Variants in ITGA2 observed in about 807,000 individuals in gnomAD.
The protein encoded by ITGA2 is integrin alpha-2.
ITGA2 carries 101 observed loss-of-function variants against 146.3 expected under a neutral mutation model. That is an observed-to-expected ratio of 0.69 (90% CI 0.59 to 0.81). The LOEUF is 0.81. Among genes scored for constraint, ITGA2 ranks in the 40% least tolerant of loss-of-function variants. The pLI is 0.00. For missense variants in ITGA2, 1,281 were observed against 1,402.7 expected, an observed-to-expected ratio of 0.91 and a Z score of 1.39; for synonymous variants, 477 against 487.1, an observed-to-expected ratio of 0.98 and a Z score of 0.27.
chr5:53,090,628 G>C lies in ITGA2; in HGVS notation c.*29G>C, dbSNP rs13173706. 2.1e-5 allele frequency: 32 copies of C among 1,560,092 alleles called. No individual in the cohort carries two copies. Among genetic ancestry groups the C allele is most frequent in the Non-Finnish European group, 2.8e-5 (32 of 1,131,038 alleles). Reference sequence around the variant, plus strand: ...AGCAGACCTACCTGCAGTGGGAACCGGCAGCATCCCAGCCAGGGTTTGCTG... The same window carrying C: ...AGCAGACCTACCTGCAGTGGGAACCCGCAGCATCCCAGCCAGGGTTTGCTG... On this transcript the variant is annotated 3_prime_UTR_variant, in exon 30 of 30. Coordinates refer to ENST00000296585, the MANE Select transcript of ITGA2 (RefSeq NM_002203.4).
chr5:53,054,781 G>C (rs3212516), intron 7 of ITGA2, among the ~76,000 whole-genome samples: 1 of 151,938 alleles, frequency 6.6e-6, no homozygotes, highest in Non-Finnish European at 1.5e-5. Context: ...GGGGACTCAG[G>C]GGGGAAATGG....
At chr5:53,050,294 G>A (rs1744290165) in intron 6 of ITGA2, among the ~76,000 whole-genome samples, 1 of 152,084 alleles carries the variant, frequency 6.6e-6, no homozygotes, top group Admixed American at 6.6e-5. Flanking sequence ...TGACCTTCCT[G>A]TAAGTTCTAA....
intron 1 of ITGA2, among the ~76,000 whole-genome samples, chr5:53,003,203 C>T (rs1481920097): frequency 6.6e-6 from 1 of 152,178 alleles, no homozygotes; most frequent in South Asian, 2.1e-4. Flanking sequence ...AATCCATTTT[C>T]ACTTGAGGCA....
At chr5:53,005,660 G>C (rs1485863040) in intron 1 of ITGA2, among the ~76,000 whole-genome samples, 8 of 151,498 alleles carry the variant, frequency 5.3e-5, no homozygotes, top group Admixed American at 2.6e-4. Context: ...GCCCCCCTCA[G>C]TAGTGTATAA....
intron 10 of ITGA2, among the ~76,000 whole-genome samples, chr5:53,058,313 A>T (rs756490834): frequency 1.6e-4 from 25 of 151,908 alleles, no homozygotes; most frequent in Non-Finnish European, 2.7e-4. Context: ...GGGATCTTAT[A>T]TGGGGGAAAA....
Position 53,062,843 on chromosome 5 carries a change from A to G in ITGA2, c.1516A>G (p.Thr506Ala). 1 of 1,611,890 alleles carries G rather than the reference A, an allele frequency of 6.2e-7. No homozygotes were observed. Among genetic ancestry groups the G allele is most frequent in the Non-Finnish European group, 8.5e-7 (1 of 1,178,500 alleles). ...AGTTGATGTGGATAAAGACACCATTACAGACGTGCTCTTGGTAGGTGCACC... is the reference window on the plus strand; with the variant it reads ...AGTTGATGTGGATAAAGACACCATTGCAGACGTGCTCTTGGTAGGTGCACC... ...CSVDVDKDTI[T>A]DVLLVGAPMY... The change falls in exon 13 of 30, where the codon ACA (threonine) becomes GCA (alanine). Residue 506 changes from threonine (T) to alanine (A), a missense_variant. Around this residue, in one of 3 missense-constraint regions of ITGA2, gnomAD observed 795 missense variants for 841.7 expected, o/e 0.94. Coordinates refer to ENST00000296585, the MANE Select transcript of ITGA2 (RefSeq NM_002203.4).
rs550986830 is a variant in ITGA2, at chr5:53,079,622, G to A, written c.2928+748G>A. Among the ~76,000 whole-genome samples, 206 of 152,050 alleles carry A rather than the reference G, an allele frequency of 1.4e-3. 8 individuals carry two copies. In the South Asian group the frequency reaches 0.042, roughly 31 times the overall value. On this transcript the variant is annotated intron_variant, in intron 24 of 29. Transcript: ENST00000296585. The stretch of plus-strand genomic sequence containing the variant: ...TCATTTCTCACTTGTTTGTTACATG[G>A]TTGCAACTCTGCAATTTTGTGATAA...
chr5:52,994,160 G>T (rs945916305), intron 1 of ITGA2, among the ~76,000 whole-genome samples: 3 of 152,122 alleles, frequency 2.0e-5, no homozygotes, highest in African/African-American at 4.8e-5. Context: ...TTCTTATAAG[G>T]TATCTACTTT....
intron 28 of ITGA2, 86 bp downstream of exon 28, chr5:53,087,127 C>T (rs1746196374): frequency 6.8e-6 from 6 of 880,882 alleles, no homozygotes; most frequent in South Asian, 2.7e-5. Flanking sequence ...ACTCTTCTTA[C>T]CTACATGTAT....
In ITGA2 at chr5:53,072,068, C is replaced by G; in HGVS notation, c.2346+20C>G. 1 of 1,500,104 alleles carries G rather than the reference C, an allele frequency of 6.7e-7. No homozygotes were observed. The highest frequency in any genetic ancestry group is 1.1e-5 in the South Asian group (1 of 88,594). The allele number at this position is 1,500,104 out of a possible 1,614,324, so 92.9% of individuals were successfully genotyped here. ...TTCAGTGTAAGTGCAGCTTACACTT[C>G]CTGGATTTAGACTGGCAAATAAAGT... On this transcript the variant is annotated intron_variant, in intron 18 of 29. Coordinates refer to ENST00000296585, the MANE Select transcript of ITGA2 (RefSeq NM_002203.4).
Position 53,055,581 on chromosome 5 carries a change from A to G in ITGA2, c.823A>G (p.Thr275Ala). Residue 275 changes from threonine to alanine, a missense_variant, in exon 8 of 30, where the codon ACG becomes GCG. This residue lies in a region of ITGA2 where 795 missense variants were observed against 841.7 expected (regional missense o/e 0.94). Transcript: ENST00000296585. The part of the protein sequence containing the change: ...SAASGGRRSA[T>A]KVMVVVTDGE... ...AGCTTCTGGTGGGCGACGAAGTGCT[A>G]CGAAAGTAATGGTAGTTGTAACTGA... is the stretch of plus-strand genomic sequence containing the variant. 6.2e-7 allele frequency: 1 copy of G among 1,613,288 alleles called. No homozygotes were observed. The highest frequency in any genetic ancestry group is 8.5e-7 in the Non-Finnish European group (1 of 1,179,440).
At chr5:53,044,555 T>C (rs1235456933) in intron 3 of ITGA2, among the ~76,000 whole-genome samples, 1 of 151,978 alleles carries the variant, frequency 6.6e-6, no homozygotes, top group Non-Finnish European at 1.5e-5. Flanking sequence ...CCTTTTAACA[T>C]TCACCCACTA....
Position 53,042,364 on chromosome 5 carries a change from A to T in ITGA2, c.295+143A>T. On this transcript the variant is annotated intron_variant, in intron 3 of 29. Transcript: ENST00000296585. Reference sequence around the variant, plus strand: ...GTCTTTAGTAATATGGGGCACAATCATATCCAAATTTCCAAAACAGTTTGG... The same window carrying T: ...GTCTTTAGTAATATGGGGCACAATCTTATCCAAATTTCCAAAACAGTTTGG... 4.5e-6 allele frequency: 3 copies of T among 662,240 alleles called. No homozygotes were observed. In the South Asian group the frequency reaches 4.8e-5, roughly 11 times the overall value. 41.0% of individuals were successfully genotyped at this position (662,240 alleles called of 1,614,324 possible). A position where few individuals can be genotyped will look rare whatever the true frequency, so the allele number is the denominator to read the frequency against.
intron 24 of ITGA2, 42 bp from the exon 25 acceptor site, chr5:53,080,469 T>A (rs1745868782): frequency 1.4e-6 from 2 of 1,464,166 alleles, no homozygotes; most frequent in African/African-American, 1.4e-5. Context: ...TTGCATCATG[T>A]ACATCCTGTT....
intron 2 of ITGA2, among the ~76,000 whole-genome samples, chr5:53,033,795 A>C: frequency 2.1e-5 from 3 of 142,492 alleles, no homozygotes; most frequent in South Asian, 2.2e-4. Flanking sequence ...ACGGAGTCTC[A>C]CTCTTTTGCC....
chr5:53,013,723 C>G (rs1742266530), intron 1 of ITGA2, among the ~76,000 whole-genome samples: 1 of 152,076 alleles, frequency 6.6e-6, no homozygotes, highest in South Asian at 2.1e-4. Flanking sequence ...AATATTGATT[C>G]TTCCTAGCCA....
rs1264370751 is a variant in ITGA2, at chr5:53,093,376, C to G, written c.*2777C>G. On this transcript the variant is annotated 3_prime_UTR_variant, in exon 30 of 30. Transcript: ENST00000296585. ...CTTGTCTCTGCACCATTTATCACAC[C>G]AGGACAGGGTCTCTCAACCTGGGCG... is the stretch of plus-strand genomic sequence containing the variant. 2.0e-5 allele frequency: 3 copies of G among 152,178 alleles called. No homozygotes were observed. Among genetic ancestry groups the G allele is most frequent in the Non-Finnish European group, 4.4e-5 (3 of 68,072 alleles). The allele number at this position is 152,178 out of a possible 1,614,324, so 9.4% of individuals were successfully genotyped here. A position where few individuals can be genotyped will look rare whatever the true frequency, so the allele number is the denominator to read the frequency against.
rs756811377 is a variant in ITGA2, at chr5:53,092,430, G to A, written c.*1831G>A. On this transcript the variant is annotated 3_prime_UTR_variant, in exon 30 of 30. Transcript: ENST00000296585. Reference sequence around the variant, plus strand: ...AACCTTGACTACCCTGGCCTGGCCCGTGGTGGCAGTCCAGGGCTATCTGTA... The same window carrying A: ...AACCTTGACTACCCTGGCCTGGCCCATGGTGGCAGTCCAGGGCTATCTGTA... The A allele has an allele frequency of 6.6e-6, 1 of 152,094 alleles. No individual in the cohort carries two copies. Among genetic ancestry groups the A allele is most frequent in the Non-Finnish European group, 1.5e-5 (1 of 68,012 alleles). The allele number at this position is 152,094 out of a possible 1,614,324, so 9.4% of individuals were successfully genotyped here. A position where few individuals can be genotyped will look rare whatever the true frequency, so the allele number is the denominator to read the frequency against.
chr5:53,055,486 T>A, intron 7 of ITGA2, 52 bp from the exon 8 acceptor site: 1 of 1,556,692 alleles, frequency 6.4e-7, no homozygotes, highest in Non-Finnish European at 8.9e-7. Context: ...GAGGTTCTCA[T>A]ATTAACTTCA....
Sources: gnomAD v4.1 joint callset for allele counts (sites outside exome capture counted in the v4.1 genomes callset) on GRCh38, gnomAD v4.1.1 for gene constraint, gnomAD v4.1.1 regional missense constraint, MANE v1.5 for transcripts, NCBI Gene and HGNC (gene_info 2026-07-23, HGNC 2026-07-21) for gene names.